The following PSMB5 variants were observed in gnomAD, a reference collection of about 807,000 sequenced individuals.
The protein encoded by PSMB5 is proteasome 20S subunit beta 5, also known as proteasome subunit beta type-5.
In PSMB5, 2 loss-of-function variants were observed where a neutral mutation model predicts 22.8. That is an observed-to-expected ratio of 0.09 (90% confidence interval 0.04 to 0.28). The LOEUF is 0.28. PSMB5 is among the 10% of genes least tolerant of loss of function. The pLI is 1.00. For synonymous variants in PSMB5, 133 were observed against 135.3 expected (o/e 0.98, Z 0.12); for missense variants, 269 against 343.8 (o/e 0.78, Z 1.72).
intron 2 of PSMB5, chr14:23,027,628 A>T: frequency 1.5e-6 from 1 of 658,382 alleles, no homozygotes; most frequent in Non-Finnish European, 2.5e-6. Context: ...AGCTTGGGCA[A>T]CAGACTGAGA....
chr14:23,028,921 C>T (rs2139915135), intron 2 of PSMB5, among the ~76,000 whole-genome samples: 1 of 152,300 alleles, frequency 6.6e-6, no homozygotes, highest in South Asian at 2.1e-4. Flanking sequence ...ACCTACCACA[C>T]TCATCTCTCT....
Position 23,033,514 on chromosome 14 carries a change from C to A in PSMB5, c.359G>T (p.Arg120Leu), listed in dbSNP as rs755568931. ...DCSFWERLLA[R>L]QCRIYELRNK... ...TCGAAGCTCATAGATTCGACATTGC[C>A]GAGCCAACAGCCGTTCCCAGAAGCT... is the stretch of plus-strand genomic sequence containing the variant. Residue 120 changes from arginine to leucine, a missense_variant, in exon 2 of 3, where the codon CGG (arginine) becomes CTG (leucine). Coordinates refer to ENST00000361611, the MANE Select transcript of PSMB5 (RefSeq NM_002797.5). The A allele has an allele frequency of 6.2e-7, 1 of 1,614,088 alleles. No individual in the cohort carries two copies. The highest frequency in any genetic ancestry group is 1.1e-5 in the South Asian group (1 of 91,080).
intron 2 of PSMB5, among the ~76,000 whole-genome samples, chr14:23,030,028 G>A (rs1256088667): frequency 9.9e-5 from 15 of 151,878 alleles, no homozygotes; most frequent in Admixed American, 5.9e-4. Context: ...TGATCCGCCC[G>A]CCTCGGCCTC....
intron 2 of PSMB5, chr14:23,027,614 C>T (rs901346381): frequency 3.4e-6 from 2 of 588,140 alleles, no homozygotes; most frequent in Non-Finnish European, 2.9e-6. Flanking sequence ...CACCACCACA[C>T]TCCAGCTTGG....
chr14:23,027,908 C>G, intron 2 of PSMB5: 1 of 1,102,838 alleles, frequency 9.1e-7, no homozygotes, highest in Non-Finnish European at 1.3e-6. Context: ...CTTTGGGAGG[C>G]CGAGGCAGGT....
chr14:23,028,758 C>G (rs1465236618), intron 2 of PSMB5, among the ~76,000 whole-genome samples: 1 of 152,150 alleles, frequency 6.6e-6, no homozygotes, highest in Non-Finnish European at 1.5e-5. Flanking sequence ...TACTATTTGG[C>G]CCTTTATGAA....
chr14:23,034,195 A>G (rs2046974768), intron 1 of PSMB5, among the ~76,000 whole-genome samples: 1 of 152,068 alleles, frequency 6.6e-6, no homozygotes, highest in Non-Finnish European at 1.5e-5. Flanking sequence ...TGATTTCTCA[A>G]TCTAGAGCTA....
rs764346385 is a variant in PSMB5 at position 23,027,843 on chromosome 14, C to T, written c.506-1468G>A. On this transcript the variant is annotated intron_variant, in intron 2 of 2. Transcript: ENST00000361611. ...GAACTTCAGACACTGTGAAAGATAA[C>T]ATTTAAAACATAATCCCCGGCCAGG... 26 of 1,535,432 alleles carry T rather than the reference C, an allele frequency of 1.7e-5. No homozygotes were observed. The African/African-American group carries it at 3.6e-4, about 21-fold the overall frequency.
Position 23,025,912 on chromosome 14 carries a change from C to T in PSMB5, c.*177G>A. ...AAGAAAGTAAAACAAATAGTCACCT[C>T]TGCAGCAGCTCATTAATGACTGGTA... On this transcript the variant is annotated 3_prime_UTR_variant, in exon 3 of 3. Coordinates refer to ENST00000361611, the MANE Select transcript of PSMB5 (RefSeq NM_002797.5). 2 of 1,446,310 alleles carry T rather than the reference C, an allele frequency of 1.4e-6. No individual in the cohort carries two copies. Among genetic ancestry groups the T allele is most frequent in the South Asian group, 2.9e-5 (2 of 68,016 alleles). 89.6% of individuals were successfully genotyped at this position (1,446,310 alleles called of 1,614,324 possible). A position where few individuals can be genotyped will look rare whatever the true frequency, so the allele number is the denominator to read the frequency against.
At chr14:23,030,357 C>T (rs1025613132) in intron 2 of PSMB5, among the ~76,000 whole-genome samples, 15 of 151,946 alleles carry the variant, frequency 9.9e-5, no homozygotes, top group African/African-American at 2.9e-4. Flanking sequence ...GGCGTGGTGG[C>T]GGGCACCTGT....
chr14:23,028,618 C>A (rs1201421743), intron 2 of PSMB5, among the ~76,000 whole-genome samples: 2 of 152,100 alleles, frequency 1.3e-5, no homozygotes, highest in African/African-American at 4.8e-5. Flanking sequence ...AGGCCAACTG[C>A]CTTTATTTTT....
chr14:23,031,554 A>G (rs943570735), intron 2 of PSMB5, among the ~76,000 whole-genome samples: 3 of 152,248 alleles, frequency 2.0e-5, no homozygotes, highest in Admixed American at 6.5e-5. Flanking sequence ...GGAGGAAAGA[A>G]TAATTATTTT....
chr14:23,033,181 C>G (rs1041937278), intron 2 of PSMB5, among the ~76,000 whole-genome samples, 187 bp downstream of exon 2: 1 of 150,930 alleles, frequency 6.6e-6, no homozygotes, highest in African/African-American at 2.4e-5. Context: ...TGCCACTGCA[C>G]TCCAGCCTGA....
chr14:23,026,045 T>C lies in PSMB5; in HGVS notation c.*44A>G. 2 of 1,602,558 alleles carry C rather than the reference T, an allele frequency of 1.2e-6. No homozygotes were observed. The highest frequency in any genetic ancestry group is 1.7e-6 in the Non-Finnish European group (2 of 1,172,646). On this transcript the variant is annotated 3_prime_UTR_variant, in exon 3 of 3. Transcript: ENST00000361611. ...TGGGTCACTGTGTCCGTATTACCAA[T>C]GACAGTCACCCCAAGAAACACAAGC...
chr14:23,033,232 AAAAG>A (rs2046966669), intron 2 of PSMB5, 132 bp downstream of exon 2: 2 of 959,834 alleles, frequency 2.1e-6, no homozygotes, highest in African/African-American at 1.6e-5. Context: ...AGGAAAAAAA[AAAAG>A]AGAGAAGGAA....
At chr14:23,027,848 A>C in intron 2 of PSMB5, 2 of 1,533,448 alleles carry the variant, frequency 1.3e-6, no homozygotes, top group South Asian at 1.2e-5. Context: ...GATAACATTT[A>C]AAACATAATC....
In PSMB5 at chr14:23,033,324, C is replaced by T. The variant is rs915864611; in HGVS notation, c.505+44G>A. 8.2e-6 allele frequency: 13 copies of T among 1,579,106 alleles called. No individual in the cohort carries two copies. In the African/African-American group the frequency reaches 1.3e-4, roughly 16 times the overall value. On this transcript the variant is annotated intron_variant, in intron 2 of 2. Transcript: ENST00000361611. ...CATCTGTCCATCCAACCCCTCCTCACTGTAGTGTCAGCCCAAGGATCATGT... is the reference window on the plus strand; with the variant it reads ...CATCTGTCCATCCAACCCCTCCTCATTGTAGTGTCAGCCCAAGGATCATGT...
At chr14:23,028,011 C>T (rs1043452329) in intron 2 of PSMB5, among the ~76,000 whole-genome samples, 1 of 152,072 alleles carries the variant, frequency 6.6e-6, no homozygotes, top group Non-Finnish European at 1.5e-5. Context: ...GGCGTGGTGG[C>T]GCATGCCTGT....
intron 2 of PSMB5, among the ~76,000 whole-genome samples, chr14:23,031,195 G>A (rs1051970655): frequency 1.3e-5 from 2 of 152,096 alleles, no homozygotes; most frequent in African/African-American, 2.4e-5. Flanking sequence ...CTTGTTACCC[G>A]GTCCCTGTAC....
Sources: allele counts gnomAD v4.1 joint callset (sites outside exome capture counted in the v4.1 genomes callset), GRCh38; gene constraint gnomAD v4.1.1; transcripts MANE v1.5; gene names NCBI Gene and HGNC (gene_info 2026-07-23, HGNC 2026-07-21).